The following MNT variants were observed in gnomAD, a reference collection of about 807,000 sequenced individuals.
The protein encoded by MNT is max-binding protein MNT.
MNT carries 13 observed loss-of-function variants against 40.7 expected under a neutral mutation model. The ratio of observed to expected loss-of-function variants is 0.32; its 90% CI spans 0.21 to 0.51. MNT has a LOEUF of 0.51. Ranked by LOEUF, MNT falls within the 20% of genes least tolerant of loss-of-function variation. The pLI is 0.98. For missense variants in MNT, 757 were observed against 792.0 expected (o/e 0.96, Z 0.53); for synonymous variants, 426 against 354.8 (o/e 1.20, Z -2.26).
At chr17:2,388,844 G>A (rs2066490015) in intron 4 of MNT, among the ~76,000 whole-genome samples, 1 of 151,862 alleles carries the variant, frequency 6.6e-6, no homozygotes, top group Non-Finnish European at 1.5e-5. Context: ...CCTCCCTGCT[G>A]GCAGCTTTTC....
chr17:2,387,981 C>T lies in MNT; in HGVS notation c.876G>A (p.Thr292=), dbSNP rs1420714148. The change falls in exon 5 of 6, where the codon ACG becomes ACA. Residue 292 remains threonine (T), a synonymous_variant. Coordinates refer to ENST00000174618, the MANE Select transcript of MNT (RefSeq NM_020310.3). The part of the protein sequence containing the change: ...MERLAREKIA[T]QQRLAELKHE... ...GCTTGAGCTCTGCCAGCCGCTGCTG[C>T]GTGGCAATCTTCTCACGTGCCAGCC... is the stretch of plus-strand genomic sequence containing the variant. 3.8e-6 allele frequency: 6 copies of T among 1,590,868 alleles called. No individual in the cohort carries two copies. In the African/African-American group the frequency reaches 4.0e-5, roughly 11 times the overall value.
Position 2,400,628 on chromosome 17 carries a change from C to G in MNT, c.73+12G>C. The stretch of plus-strand genomic sequence containing the variant: ...TTCCCCAGTGCCCCAGGGGCCCAGC[C>G]CGGCCGCTCACCACGTGCTCTCTGT... On this transcript the variant is annotated intron_variant, in intron 1 of 5. Transcript: ENST00000174618. 6.3e-7 allele frequency: 1 copy of G among 1,575,656 alleles called. No individual in the cohort carries two copies. The highest frequency in any genetic ancestry group is 1.7e-4 in the Middle Eastern group (1 of 5,956).
Position 2,400,936 on chromosome 17 carries a change from A to C in MNT, c.-224T>G. The stretch of plus-strand genomic sequence containing the variant: ...AAAATTGCAAATTTAAAAAAATGGG[A>C]TGCAAAAAAAAAAAAAAGGCGGCAC... On this transcript the variant is annotated 5_prime_UTR_variant, in exon 1 of 6. Coordinates refer to ENST00000174618, the MANE Select transcript of MNT (RefSeq NM_020310.3). 6.1e-6 allele frequency: 2 copies of C among 330,294 alleles called. No homozygotes were observed. The highest frequency in any genetic ancestry group is 1.1e-5 in the Non-Finnish European group (2 of 182,942). 20.5% of individuals were successfully genotyped at this position (330,294 alleles called of 1,614,324 possible).
Position 2,394,285 on chromosome 17 carries a change from A to T in MNT, c.695+20T>A, listed in dbSNP as rs371135830. 1 of 1,601,628 alleles carries T rather than the reference A, an allele frequency of 6.2e-7. No individual in the cohort carries two copies. Among genetic ancestry groups the T allele is most frequent in the East Asian group, 2.2e-5 (1 of 44,676 alleles). ...CGCGCGCACGCACGCACGCACACAC[A>T]CACACACACACACACACACCTGTTC... On this transcript the variant is annotated intron_variant, in intron 3 of 5. Coordinates refer to ENST00000174618, the MANE Select transcript of MNT (RefSeq NM_020310.3).
intron 4 of MNT, chr17:2,389,371 G>A (rs1179711886): frequency 6.6e-6 from 1 of 152,092 alleles, no homozygotes; most frequent in East Asian, 1.9e-4. Flanking sequence ...TGCCTCCCAG[G>A]TTCAAGCGAT....
intron 4 of MNT, among the ~76,000 whole-genome samples, chr17:2,393,372 G>A (rs920813850): frequency 1.3e-5 from 2 of 152,180 alleles, no homozygotes; most frequent in Non-Finnish European, 2.9e-5. Flanking sequence ...GCAGCCGGGA[G>A]GGCCCCGAAA....
At chr17:2,394,387 G>C in intron 2 of MNT, 41 bp from the exon 3 acceptor site, 1 of 1,612,202 alleles carries the variant, frequency 6.2e-7, no homozygotes, top group South Asian at 1.1e-5. Context: ...AGGAGGACTC[G>C]ATTAGACGGC....
chr17:2,387,081 G>C lies in MNT; in HGVS notation c.1569C>G (p.Thr523=). ...TGCCGTTGACTTGCTGGTGCGAGAG[G>C]GTGTGGGCGATGTGGCTCACTGCCA... ...QPVAVSHIAH[T]LSHQQVNGTA... is the part of the protein sequence containing the mutation. Residue 523 remains threonine (T), a synonymous_variant, in exon 6 of 6, where the codon ACC becomes ACG. Transcript: ENST00000174618. The C allele has an allele frequency of 6.4e-7, 1 of 1,571,676 alleles. No homozygotes were observed. The highest frequency in any genetic ancestry group is 8.6e-7 in the Non-Finnish European group (1 of 1,158,782).
In MNT at chr17:2,386,375, G is replaced by T. The variant is rs1567863450; in HGVS notation, c.*526C>A. The T allele has an allele frequency of 1.3e-5, 2 of 153,780 alleles. No individual in the cohort carries two copies. The highest frequency in any genetic ancestry group is 4.8e-5 in the African/African-American group (2 of 41,484). The allele number at this position is 153,780 out of a possible 1,614,324, so 9.5% of individuals were successfully genotyped here. A position where few individuals can be genotyped will look rare whatever the true frequency, so the allele number is the denominator to read the frequency against. On this transcript the variant is annotated 3_prime_UTR_variant, in exon 6 of 6. Transcript: ENST00000174618. The stretch of plus-strand genomic sequence containing the variant: ...AGCCACTTCCTATGATCTGTCACCT[G>T]TGCTCAGAGCAAGGCCCCTTATCAC...
At chr17:2,391,718 A>G (rs1271925794) in intron 4 of MNT, 2 of 152,050 alleles carry the variant, frequency 1.3e-5, no homozygotes, top group African/African-American at 4.8e-5. Flanking sequence ...CAAACAACCA[A>G]AGCTCCCAGT....
At chr17:2,394,784 A>G in intron 2 of MNT, 91 bp downstream of exon 2, 1 of 906,336 alleles carries the variant, frequency 1.1e-6, no homozygotes, top group Non-Finnish European at 1.7e-6. Flanking sequence ...GGCACTTCTA[A>G]GCTGGGGAGG....
intron 1 of MNT, among the ~76,000 whole-genome samples, chr17:2,399,109 A>G (rs1468799801): frequency 6.6e-6 from 1 of 151,818 alleles, no homozygotes; most frequent in Non-Finnish European, 1.5e-5. Context: ...AACAATAGGC[A>G]GAGAGAAAGG....
intron 1 of MNT, chr17:2,400,329 C>A (rs927554420): frequency 2.6e-5 from 8 of 306,488 alleles, no homozygotes; most frequent in Non-Finnish European, 4.9e-5. Flanking sequence ...GCTCACACAT[C>A]CTCAGTGCCA....
At position 2,394,033 on chromosome 17, in the gene MNT, G is replaced by A. The variant is rs1187219335; in HGVS notation, c.807+10C>T. ...GGAAGCTGCGCGACGCCGGCCTCCG[G>A]GCCCCATACCTGGATGTACCGCAGC... On this transcript the variant is annotated intron_variant, in intron 4 of 5. Transcript: ENST00000174618. 1.9e-6 allele frequency: 3 copies of A among 1,562,790 alleles called. No individual in the cohort carries two copies. Among genetic ancestry groups the A allele is most frequent in the East Asian group, 2.5e-5 (1 of 39,572 alleles).
At chr17:2,393,900 C>T (rs1340638751) in intron 4 of MNT, 143 bp downstream of exon 4, 1 of 439,766 alleles carries the variant, frequency 2.3e-6, no homozygotes, top group African/African-American at 2.1e-5. Context: ...TCAGCCGGGC[C>T]ATGTGCTCAG....
chr17:2,400,941 A>C lies in MNT; in HGVS notation c.-229T>G, dbSNP rs1384114627. ...TGCAAATTTAAAAAAATGGGATGCA[A>C]AAAAAAAAAAAAGGCGGCACTGCCT... On this transcript the variant is annotated 5_prime_UTR_variant, in exon 1 of 6. Coordinates refer to ENST00000174618, the MANE Select transcript of MNT (RefSeq NM_020310.3). 1.5e-5 allele frequency: 3 copies of C among 206,778 alleles called. No individual in the cohort carries two copies. Among genetic ancestry groups the C allele is most frequent in the South Asian group, 1.3e-4 (1 of 7,756 alleles). 12.8% of individuals were successfully genotyped at this position (206,778 alleles called of 1,614,324 possible).
chr17:2,385,474 T>A lies in MNT; in HGVS notation c.*1427A>T, dbSNP rs1279234147. On this transcript the variant is annotated 3_prime_UTR_variant, in exon 6 of 6. Coordinates refer to ENST00000174618, the MANE Select transcript of MNT (RefSeq NM_020310.3). ...CGAGCGTGTCTGACACAAAGCCACT[T>A]GTAATAAACACCCACATACAAGGAA... 1 of 152,358 alleles carries A rather than the reference T, an allele frequency of 6.6e-6. No individual in the cohort carries two copies. The highest frequency in any genetic ancestry group is 1.5e-5 in the Non-Finnish European group (1 of 68,110). The allele number at this position is 152,358 out of a possible 1,614,324, so 9.4% of individuals were successfully genotyped here. A position where few individuals can be genotyped will look rare whatever the true frequency, so the allele number is the denominator to read the frequency against.
intron 4 of MNT, 88 bp from the exon 5 acceptor site, chr17:2,388,137 CCA>C (rs2066483629): frequency 7.5e-7 from 1 of 1,324,556 alleles, no homozygotes; most frequent in Non-Finnish European, 1.0e-6. Flanking sequence ...ATCAGCTGGC[CCA>C]CAGAGGCAAG....
Position 2,394,039 on chromosome 17 carries a change from A to C in MNT, c.807+4T>G, listed in dbSNP as rs761993579. ...TGCGCGACGCCGGCCTCCGGGCCCC[A>C]TACCTGGATGTACCGCAGCGCCGTC... On this transcript the variant is annotated splice_donor_region_variant and intron_variant, in intron 4 of 5. Coordinates refer to ENST00000174618, the MANE Select transcript of MNT (RefSeq NM_020310.3). The C allele has an allele frequency of 3.8e-5, 61 of 1,585,022 alleles. No individual in the cohort carries two copies. The highest frequency in any genetic ancestry group is 8.8e-5 in the Admixed American group (5 of 57,060).
Sources: allele counts gnomAD v4.1 joint callset (sites outside exome capture counted in the v4.1 genomes callset), GRCh38; gene constraint gnomAD v4.1.1; transcripts MANE v1.5; gene names NCBI Gene and HGNC (gene_info 2026-07-23, HGNC 2026-07-21).